Variants in PKHD1 observed in about 807,000 individuals in gnomAD.
PKHD1 encodes fibrocystin.
Under a neutral mutation model 412.0 loss-of-function variants are expected in PKHD1, and 291 were observed. The observed-to-expected ratio is 0.71, with a 90% CI of 0.64 to 0.78. The LOEUF (loss-of-function observed/expected upper bound fraction) is 0.78, where lower values mean the gene tolerates loss of function less well. Ranked by LOEUF, PKHD1 falls within the 30% of genes least tolerant of loss-of-function variation. The pLI, the probability that PKHD1 is intolerant of heterozygous loss-of-function variation, is 0.00. For synonymous variants in PKHD1, 1,777 were observed against 1,821.5 expected, an observed-to-expected ratio of 0.98 and a Z score of 0.62; for missense variants, 4,825 against 4,950.7, an observed-to-expected ratio of 0.97 and a Z score of 0.76.
intron 36 of PKHD1, among the ~76,000 whole-genome samples, chr6:51,941,518 G>A (rs1330624477): frequency 6.6e-6 from 1 of 150,694 alleles, no homozygotes; most frequent in African/African-American, 2.4e-5. Context: ...GCCTCCCAAA[G>A]TGCTGGGATT....
intron 35 of PKHD1, among the ~76,000 whole-genome samples, chr6:52,006,496 C>T (rs188892301): frequency 6.6e-6 from 1 of 152,174 alleles, no homozygotes; most frequent in Non-Finnish European, 1.5e-5. Flanking sequence ...CCTGTCTCAG[C>T]CTCCCAAGTA....
At chr6:51,855,159 G>A (rs1773053618) in intron 49 of PKHD1, among the ~76,000 whole-genome samples, 1 of 152,204 alleles carries the variant, frequency 6.6e-6, no homozygotes. Flanking sequence ...GTGGGGAACG[G>A]AGTTCCTTTT....
intron 35 of PKHD1, among the ~76,000 whole-genome samples, chr6:51,995,405 C>T (rs958940475): frequency 3.9e-5 from 6 of 152,202 alleles, no homozygotes; most frequent in Non-Finnish European, 7.4e-5. Context: ...GTTTTCCAAC[C>T]TTTGTTTCTA....
intron 52 of PKHD1, among the ~76,000 whole-genome samples, chr6:51,810,295 GC>G (rs1227301338): frequency 6.6e-6 from 1 of 152,022 alleles, no homozygotes; most frequent in African/African-American, 2.4e-5. Context: ...GTTAACTCTT[GC>G]CCTTAACCAA....
At position 51,933,028 on chromosome 6, in the gene PKHD1, G is replaced by A. The variant is rs80068962; in HGVS notation, c.6121+1082C>T. On this transcript the variant is annotated intron_variant, in intron 37 of 66. Transcript: ENST00000371117. ...GATGCCAATATAGAAATATCATTGT[G>A]TAACTGACATTATGATTTCTGGAGA... Among the ~76,000 whole-genome samples, 3 of 152,294 alleles carry A rather than the reference G, an allele frequency of 2.0e-5. No homozygotes were observed. In the East Asian group the frequency reaches 5.8e-4, roughly 29 times the overall value.
intron 13 of PKHD1, 45 bp from the exon 14 acceptor site, chr6:52,062,705 C>G: frequency 6.2e-7 from 1 of 1,611,454 alleles, no homozygotes; most frequent in Non-Finnish European, 8.5e-7. Flanking sequence ...GCGCACCTTC[C>G]CAAATTGGGG....
rs1158176514 is a variant in PKHD1, at chr6:51,961,621, T to A, written c.5752-1595A>T. The stretch of plus-strand genomic sequence containing the variant: ...AGGCTATATATATTATACATTCTTA[T>A]AACCCTTTAATTTACTCCTGTAGAA... On this transcript the variant is annotated intron_variant, in intron 35 of 66. Coordinates refer to ENST00000371117, the MANE Select transcript of PKHD1 (RefSeq NM_138694.4). 2.0e-5 allele frequency among the ~76,000 whole-genome samples: 3 copies of A among 152,204 alleles called. No homozygotes were observed. The South Asian group carries it at 6.2e-4, about 32-fold the overall frequency.
At chr6:51,810,296 C>A (rs1362544157) in intron 52 of PKHD1, among the ~76,000 whole-genome samples, 1 of 151,980 alleles carries the variant, frequency 6.6e-6, no homozygotes, top group African/African-American at 2.4e-5. Flanking sequence ...TTAACTCTTG[C>A]CCTTAACCAA....
chr6:52,082,563 C>T, intron 3 of PKHD1, 21 bp from the exon 4 acceptor site: 1 of 1,613,370 alleles, frequency 6.2e-7, no homozygotes, highest in East Asian at 2.2e-5. Flanking sequence ...GGAAAGAAAT[C>T]TCAGGCTGCA....
intron 14 of PKHD1, among the ~76,000 whole-genome samples, chr6:52,061,852 A>G (rs1808724651): frequency 6.6e-6 from 1 of 152,154 alleles, no homozygotes; most frequent in African/African-American, 2.4e-5. Flanking sequence ...CACTGAGAAC[A>G]CACTAAGGAA....
chr6:51,948,586 C>T (rs1423637761), intron 36 of PKHD1, among the ~76,000 whole-genome samples: 1 of 152,136 alleles, frequency 6.6e-6, no homozygotes. Flanking sequence ...AAGATTTTGG[C>T]CTGTTTTGTT....
chr6:51,840,911 T>C lies in PKHD1; in HGVS notation c.8108-4442A>G, dbSNP rs111708721. On this transcript the variant is annotated intron_variant, in intron 50 of 66. Transcript: ENST00000371117. Reference sequence around the variant, plus strand: ...GTTTCATTTTAGTATCTATACATTGTAAAGTATTTTAGAAAAAAACAACTA... The same window carrying C: ...GTTTCATTTTAGTATCTATACATTGCAAAGTATTTTAGAAAAAAACAACTA... Among the ~76,000 whole-genome samples the C allele has an allele frequency of 5.3e-5, 8 of 152,288 alleles. 1 individual carries two copies. The highest frequency in any genetic ancestry group is 1.9e-4 in the African/African-American group (8 of 41,572).
intron 60 of PKHD1, among the ~76,000 whole-genome samples, chr6:51,681,339 A>T (rs929228045): frequency 2.0e-5 from 3 of 151,994 alleles, no homozygotes; most frequent in African/African-American, 4.8e-5. Flanking sequence ...AGACATTGCC[A>T]CCAACCCTGA....
At position 51,906,457 on chromosome 6, in the gene PKHD1, G is replaced by A. The variant is rs1300168075; in HGVS notation, c.6683-117C>T. On this transcript the variant is annotated intron_variant, in intron 40 of 66. Transcript: ENST00000371117. ...TCTCCCACACAATAATGAAACTCAG[G>A]AGATAAGAAGTTAGAAGCAGCAATC... 5 of 809,634 alleles carry A rather than the reference G, an allele frequency of 6.2e-6. No homozygotes were observed. In the African/African-American group the frequency reaches 8.5e-5, roughly 14 times the overall value. The allele number at this position is 809,634 out of a possible 1,614,324, so 50.2% of individuals were successfully genotyped here.
intron 35 of PKHD1, among the ~76,000 whole-genome samples, chr6:51,971,722 T>A (rs1203652944): frequency 4.0e-5 from 6 of 150,494 alleles, no homozygotes; most frequent in Non-Finnish European, 7.4e-5. Context: ...TGTTTTGTTT[T>A]GTTTTGTTTT....
Position 51,659,150 on chromosome 6 carries a change from G to C in PKHD1, c.10976C>G (p.Ser3659Ter), listed in dbSNP as rs1562040106. ...ACCAATTTCAATGACAATCACTTTT[G>C]AGATAGTTTCCACAGTCATTGGGGG... is the stretch of plus-strand genomic sequence containing the variant. ...ASPPMTVETI[S>*]KVIVIEIGDS... is the part of the protein sequence containing the mutation. The change falls in exon 61 of 67, where the codon TCA becomes TGA. Residue 3659 changes from serine (S) to a stop codon, truncating the protein, a stop_gained. Transcript: ENST00000371117. LOFTEE classifies it high-confidence loss of function. 1.2e-6 allele frequency: 2 copies of C among 1,613,726 alleles called. No individual in the cohort carries two copies. The highest frequency in any genetic ancestry group is 1.7e-6 in the Non-Finnish European group (2 of 1,179,816).
intron 60 of PKHD1, among the ~76,000 whole-genome samples, chr6:51,699,183 G>A (rs2150689319): frequency 6.6e-6 from 1 of 152,158 alleles, no homozygotes; most frequent in South Asian, 2.1e-4. Context: ...ACCATAATCA[G>A]GACAAAAAAC....
At chr6:51,942,426 C>T (rs1788738025) in intron 36 of PKHD1, among the ~76,000 whole-genome samples, 2 of 151,742 alleles carry the variant, frequency 1.3e-5, no homozygotes, top group Admixed American at 1.3e-4. Flanking sequence ...AACTCACTCT[C>T]TATAGTTCTC....
At chr6:51,770,635 CT>C (rs11329580) in intron 55 of PKHD1, among the ~76,000 whole-genome samples, 27,619 of 149,426 alleles carry the variant, frequency 0.18, 3,336 homozygotes, top group African/African-American at 0.34. Flanking sequence ...ATTTCATTTT[CT>C]TTTTTTTTCT....
Sources: gnomAD v4.1 joint callset for allele counts (sites outside exome capture counted in the v4.1 genomes callset) on GRCh38, gnomAD v4.1.1 for gene constraint, MANE v1.5 for transcripts, NCBI Gene and HGNC (gene_info 2026-07-23, HGNC 2026-07-21) for gene names.